SHISA9: variants seen among roughly 807,000 people sequenced by gnomAD.
SHISA9 encodes the protein shisa family member 9.
A neutral mutation model predicts 38.0 loss-of-function variants in SHISA9; 13 were observed. The observed-to-expected ratio is 0.34, with a 90% CI of 0.22 to 0.54. The LOEUF is 0.54. Among genes scored for constraint, SHISA9 ranks in the 20% least tolerant of loss-of-function variants. SHISA9 has a pLI of 0.91. For missense variants in SHISA9, 538 were observed against 575.8 expected, an observed-to-expected ratio of 0.93 and a Z score of 0.67; for synonymous variants, 275 against 242.0, an observed-to-expected ratio of 1.14 and a Z score of -1.27.
At position 12,964,795 on chromosome 16, in the gene SHISA9, C is replaced by G. The variant is rs2071956606; in HGVS notation, c.691+47980C>G. 2.6e-5 allele frequency among the ~76,000 whole-genome samples: 4 copies of G among 152,088 alleles called. No individual in the cohort carries two copies. In the South Asian group the frequency reaches 8.3e-4, roughly 32 times the overall value. ...TACTTAACCCCTGAGATTCTTGTTT[C>G]CCTCCACAGTAAGCATGAGGGAAAC... is the stretch of plus-strand genomic sequence containing the variant. On this transcript the variant is annotated intron_variant, in intron 2 of 4. Transcript: ENST00000558583.
chr16:13,188,007 G>A (rs1053971019), intron 2 of SHISA9, among the ~76,000 whole-genome samples: 3 of 152,162 alleles, frequency 2.0e-5, no homozygotes, highest in Non-Finnish European at 2.9e-5. Flanking sequence ...TGGGGGAAGT[G>A]TGCTGTGTTA....
At chr16:13,469,759 A>G in the SHISA9 span, among the ~76,000 whole-genome samples, 6 of 150,686 alleles carry the variant, frequency 4.0e-5, no homozygotes, top group Admixed American at 4.0e-4. Context: ...GACACAATTA[A>G]CCAGAGTATG....
At chr16:13,297,907 C>T in the SHISA9 span, among the ~76,000 whole-genome samples, 5 of 152,298 alleles carry the variant, frequency 3.3e-5, no homozygotes, top group Admixed American at 1.3e-4. Context: ...GAGTCATGCG[C>T]CACCACGTCC....
chr16:13,014,434 T>C (rs1380789106), intron 2 of SHISA9, among the ~76,000 whole-genome samples: 1 of 152,102 alleles, frequency 6.6e-6, no homozygotes, highest in Non-Finnish European at 1.5e-5. Context: ...GAAGGGCTGC[T>C]AGGAGGTAAT....
chr16:13,044,099 C>G (rs1377053381), intron 2 of SHISA9, among the ~76,000 whole-genome samples: 2 of 152,196 alleles, frequency 1.3e-5, no homozygotes, highest in Non-Finnish European at 2.9e-5. Flanking sequence ...ATTTTGAAGA[C>G]TCAACCTGTG....
the SHISA9 span, among the ~76,000 whole-genome samples, chr16:13,258,715 G>A: frequency 6.6e-6 from 1 of 152,180 alleles, no homozygotes; most frequent in Non-Finnish European, 1.5e-5. Context: ...AAATGAGGAA[G>A]AAGCAAAAGC....
At chr16:13,302,390 T>C in the SHISA9 span, among the ~76,000 whole-genome samples, 1 of 152,116 alleles carries the variant, frequency 6.6e-6, no homozygotes, top group African/African-American at 2.4e-5. Flanking sequence ...AGATAAGCTT[T>C]ACTAACTCTG....
chr16:13,224,334 A>G (rs1176407220), intron 4 of SHISA9, among the ~76,000 whole-genome samples: 1 of 152,156 alleles, frequency 6.6e-6, no homozygotes, highest in African/African-American at 2.4e-5. Flanking sequence ...GCAAATTCTC[A>G]GACAGGAAAA....
chr16:13,003,880 TAATAATAATAAGAAGAAG>T (rs2072559604), intron 2 of SHISA9, among the ~76,000 whole-genome samples: 1 of 146,802 alleles, frequency 6.8e-6, no homozygotes, highest in Non-Finnish European at 1.5e-5. Context: ...ATAATAATAA[TAATAATAATAAGAAGAAG>T]AAGAAGAAGA....
the SHISA9 span, among the ~76,000 whole-genome samples, chr16:13,496,559 A>G: frequency 6.6e-6 from 1 of 152,042 alleles, no homozygotes; most frequent in Admixed American, 6.6e-5. Context: ...AGTAAATCCA[A>G]TAGGTCATGA....
At chr16:13,032,655 G>C (rs971644024) in intron 2 of SHISA9, among the ~76,000 whole-genome samples, 2 of 152,198 alleles carry the variant, frequency 1.3e-5, no homozygotes, top group African/African-American at 2.4e-5. Flanking sequence ...CTAGTACAGA[G>C]TAAATATTAG....
At chr16:12,962,538 A>T (rs779448566) in intron 2 of SHISA9, among the ~76,000 whole-genome samples, 8 of 152,164 alleles carry the variant, frequency 5.3e-5, no homozygotes, top group African/African-American at 9.7e-5. Context: ...TGAGGGAATT[A>T]GTGCCCCTAT....
In SHISA9 at chr16:12,937,182, C is replaced by G. The variant is rs191504313; in HGVS notation, c.691+20367C>G. The stretch of plus-strand genomic sequence containing the variant: ...AGGATGACTTGCTCAGGTCTCTAGG[C>G]AGTGTCTTATGTCTAGCAGTCTGTC... On this transcript the variant is annotated intron_variant, in intron 2 of 4. Coordinates refer to ENST00000558583, the MANE Select transcript of SHISA9 (RefSeq NM_001145204.3). Among the ~76,000 whole-genome samples the G allele has an allele frequency of 2.2e-3, 338 of 152,224 alleles. 2 individuals are homozygous for G. The highest frequency in any genetic ancestry group is 7.5e-3 in the African/African-American group (313 of 41,548).
chr16:13,423,768 A>G, the SHISA9 span, among the ~76,000 whole-genome samples: 1 of 152,274 alleles, frequency 6.6e-6, no homozygotes, highest in East Asian at 1.9e-4. Flanking sequence ...TTCCAAACTC[A>G]TTCAGACTGT....
chr16:13,552,642 A>G, the SHISA9 span, among the ~76,000 whole-genome samples: 1 of 152,216 alleles, frequency 6.6e-6, no homozygotes, highest in African/African-American at 2.4e-5. Context: ...TGACGCTGCT[A>G]TTTAAAGCCA....
At chr16:12,961,794 C>T (rs551112537) in intron 2 of SHISA9, among the ~76,000 whole-genome samples, 3 of 152,262 alleles carry the variant, frequency 2.0e-5, no homozygotes, top group African/African-American at 4.8e-5. Flanking sequence ...CTGTGAACAG[C>T]GAGTTCCTTG....
chr16:13,047,110 A>AGTTTATTCCT, intron 2 of SHISA9, among the ~76,000 whole-genome samples: 1 of 152,284 alleles, frequency 6.6e-6, no homozygotes, highest in Non-Finnish European at 1.5e-5. Context: ...AAAGGCTAGA[A>AGTTTATTCCT]GTTTATTCCT....
chr16:13,456,656 G>A, the SHISA9 span, among the ~76,000 whole-genome samples: 1 of 152,324 alleles, frequency 6.6e-6, no homozygotes, highest in African/African-American at 2.4e-5. Context: ...TTAACAGTGT[G>A]ATTTATGATG....
the SHISA9 span, among the ~76,000 whole-genome samples, chr16:13,282,551 C>T: frequency 6.6e-6 from 1 of 151,978 alleles, no homozygotes; most frequent in African/African-American, 2.4e-5. Flanking sequence ...AAATGTTTAG[C>T]TATTACTTCT....
Sources: allele counts gnomAD v4.1 joint callset (sites outside exome capture counted in the v4.1 genomes callset), GRCh38; gene constraint gnomAD v4.1.1; transcripts MANE v1.5; gene names NCBI Gene and HGNC (gene_info 2026-07-23, HGNC 2026-07-21).